PCLO: variants seen among roughly 807,000 people sequenced by gnomAD.
The protein encoded by PCLO is piccolo presynaptic cytomatrix protein.
A neutral mutation model predicts 427.5 loss-of-function variants in PCLO; 82 were observed. The observed-to-expected ratio is 0.19, with a 90% CI of 0.16 to 0.23. The LOEUF is 0.23. PCLO is among the 10% of genes least tolerant of loss of function. The pLI, the probability that PCLO is intolerant of heterozygous loss-of-function variation, is 1.00. For synonymous variants in PCLO, 2,357 were observed against 2,155.4 expected (o/e 1.09, Z -2.59); for missense variants, 6,239 against 6,115.9 (o/e 1.02, Z -0.67).
At chr7:82,804,271 T>C (rs1178795931) in intron 21 of PCLO, among the ~76,000 whole-genome samples, 2 of 152,048 alleles carry the variant, frequency 1.3e-5, no homozygotes, top group Non-Finnish European at 1.5e-5. Context: ...ATTGAATCCA[T>C]AGACTAAATC....
At chr7:82,983,860 A>G (rs1796201069) in intron 3 of PCLO, among the ~76,000 whole-genome samples, 1 of 151,984 alleles carries the variant, frequency 6.6e-6, no homozygotes, top group African/African-American at 2.4e-5. Flanking sequence ...CAATTCTAAG[A>G]ACAAGTGAAG....
chr7:83,051,937 A>G lies in PCLO; in HGVS notation c.3300+82313T>C, dbSNP rs113490017. 5.4e-3 allele frequency among the ~76,000 whole-genome samples: 822 copies of G among 152,220 alleles called. 3 individuals are homozygous for G. The highest frequency in any genetic ancestry group is 0.019 in the African/African-American group (772 of 41,560). Reference sequence around the variant, plus strand: ...GGAGCAACGGCAATTCAATGGAGAAAGGATGTTTTTTTTAACAAATGGTGC... The same window carrying G: ...GGAGCAACGGCAATTCAATGGAGAAGGGATGTTTTTTTTAACAAATGGTGC... On this transcript the variant is annotated intron_variant, in intron 3 of 24. Transcript: ENST00000333891.
At chr7:82,814,480 A>G (rs1014118779) in intron 20 of PCLO, among the ~76,000 whole-genome samples, 4 of 150,872 alleles carry the variant, frequency 2.7e-5, no homozygotes, top group Non-Finnish European at 5.9e-5. Context: ...ACACTTCAAC[A>G]TAATTTAATT....
chr7:83,124,206 A>G, intron 3 of PCLO, among the ~76,000 whole-genome samples: 1 of 151,384 alleles, frequency 6.6e-6, no homozygotes, highest in East Asian at 1.9e-4. Context: ...AGTCCCAGCT[A>G]CTCGGAAGGC....
chr7:83,121,532 AT>A (rs1447435750), intron 3 of PCLO, among the ~76,000 whole-genome samples: 4 of 152,150 alleles, frequency 2.6e-5, no homozygotes, highest in Non-Finnish European at 5.9e-5. Context: ...TTTATAAATT[AT>A]AACACTGAAT....
At chr7:82,802,084 A>G (rs528204450) in intron 21 of PCLO, among the ~76,000 whole-genome samples, 1 of 151,156 alleles carries the variant, frequency 6.6e-6, no homozygotes, top group African/African-American at 2.4e-5. Context: ...TTTTTTTTCA[A>G]CTCCTTTCTG....
intron 10 of PCLO, among the ~76,000 whole-genome samples, chr7:82,866,474 T>A (rs898190902): frequency 6.6e-6 from 1 of 151,950 alleles, no homozygotes; most frequent in Non-Finnish European, 1.5e-5. Context: ...CTTTATACAA[T>A]ATGTACTAAA....
At chr7:83,082,430 TACTTGGA>T (rs951825253) in intron 3 of PCLO, among the ~76,000 whole-genome samples, 1 of 151,570 alleles carries the variant, frequency 6.6e-6, no homozygotes, top group Admixed American at 6.6e-5. Flanking sequence ...AAATCGTACA[TACTTGGA>T]ACTTGGAAAA....
chr7:82,877,232 T>C (rs1172857681), intron 10 of PCLO, among the ~76,000 whole-genome samples: 1 of 152,176 alleles, frequency 6.6e-6, no homozygotes, highest in African/African-American at 2.4e-5. Context: ...TGCGTTGATA[T>C]TGTCTTTAGA....
chr7:82,935,660 T>C (rs988170489), intron 6 of PCLO, among the ~76,000 whole-genome samples: 30 of 151,662 alleles, frequency 2.0e-4, no homozygotes, highest in Admixed American at 1.3e-3. Context: ...ATTACATTTA[T>C]GCCAAAAGTG....
intron 6 of PCLO, among the ~76,000 whole-genome samples, chr7:82,924,789 T>C (rs1175145789): frequency 6.6e-6 from 1 of 151,998 alleles, no homozygotes; most frequent in Non-Finnish European, 1.5e-5. Context: ...AAACTCCTAC[T>C]ATCTTAAAAA....
intron 8 of PCLO, among the ~76,000 whole-genome samples, chr7:82,903,688 T>C (rs564729333): frequency 1.1e-4 from 16 of 152,110 alleles, no homozygotes; most frequent in African/African-American, 3.9e-4. Flanking sequence ...GAATTTTGTA[T>C]GTATTGTCAT....
rs763532668 is a variant in PCLO at position 83,154,852 on chromosome 7, G to T, written c.1789C>A (p.Leu597Ile). 2.5e-6 allele frequency: 4 copies of T among 1,613,964 alleles called. No individual in the cohort carries two copies. The South Asian group carries it at 3.3e-5, about 13-fold the overall frequency. ...TICPLCNTTELLLHVPEKANF... is the reference protein window; with the variant it reads ...TICPLCNTTEILLHVPEKANF... ...GCCTTTTCTGGAACATGCAACAGAA[G>T]TTCAGTGGTATTGCAAAGAGGACAG... Residue 597 changes from leucine (L) to isoleucine (I), a missense_variant, in exon 2 of 25, where the codon CTT becomes ATT. Leu to Ile is a conservative substitution (Grantham distance 5). Around this residue, in one of 5 missense-constraint regions of PCLO, gnomAD observed 4,677 missense variants for 4,468.4 expected, o/e 1.05. Coordinates refer to ENST00000333891, the MANE Select transcript of PCLO (RefSeq NM_033026.6).
At position 83,135,549 on chromosome 7, in the gene PCLO, G is replaced by A. The variant is rs368866496; in HGVS notation, c.2001C>T (p.Thr667=). Residue 667 remains threonine (T), a synonymous_variant, in exon 3 of 25, where the codon ACC becomes ACT. Coordinates refer to ENST00000333891, the MANE Select transcript of PCLO (RefSeq NM_033026.6). ...PQPKLKTAPV[T]TTSAVSKSSP... Reference sequence around the variant, plus strand: ...ATGATTTGCTCACTGCTGATGTAGTGGTAACAGGTGCAGTCTTCAGTTTGG... The same window carrying A: ...ATGATTTGCTCACTGCTGATGTAGTAGTAACAGGTGCAGTCTTCAGTTTGG... 6.2e-7 allele frequency: 1 copy of A among 1,613,510 alleles called. No homozygotes were observed. The highest frequency in any genetic ancestry group is 1.3e-5 in the African/African-American group (1 of 74,802).
At chr7:82,828,039 A>T (rs933235804) in intron 16 of PCLO, 73 bp from the exon 17 acceptor site, 117 of 767,360 alleles carry the variant, frequency 1.5e-4, no homozygotes, top group Non-Finnish European at 2.4e-4. Context: ...AAACTAAAGG[A>T]CATGCAGACT....
intron 22 of PCLO, among the ~76,000 whole-genome samples, chr7:82,766,420 G>A (rs1562776051): frequency 6.6e-6 from 1 of 151,944 alleles, no homozygotes; most frequent in African/African-American, 2.4e-5. Context: ...TAAATGAGGT[G>A]GCAAATCTAT....
intron 3 of PCLO, among the ~76,000 whole-genome samples, chr7:83,012,193 A>T (rs1230006582): frequency 6.6e-6 from 1 of 152,196 alleles, no homozygotes; most frequent in African/African-American, 2.4e-5. Context: ...TTTCAGAGAT[A>T]TAATAGGAAG....
intron 3 of PCLO, among the ~76,000 whole-genome samples, chr7:83,008,306 C>G (rs189460705): frequency 6.6e-6 from 1 of 151,360 alleles, no homozygotes; most frequent in Non-Finnish European, 1.5e-5. Context: ...ATAGAATTAC[C>G]CCATTTGTTA....
At chr7:83,111,438 G>A (rs903491424) in intron 3 of PCLO, among the ~76,000 whole-genome samples, 6 of 152,296 alleles carry the variant, frequency 3.9e-5, no homozygotes, top group East Asian at 1.9e-4. Flanking sequence ...TCAAAGGACC[G>A]GAGGAGCCCT....
Sources: allele counts gnomAD v4.1 joint callset (sites outside exome capture counted in the v4.1 genomes callset), GRCh38; gene constraint gnomAD v4.1.1; regional missense constraint gnomAD v4.1.1; transcripts MANE v1.5; gene names NCBI Gene and HGNC (gene_info 2026-07-23, HGNC 2026-07-21).